ATRNL1: variants seen among roughly 807,000 people sequenced by gnomAD.
ATRNL1 encodes the protein attractin like 1.
ATRNL1 carries 95 observed loss-of-function variants against 182.7 expected under a neutral mutation model. The observed-to-expected ratio is 0.52, with a 90% CI of 0.44 to 0.62. ATRNL1 has a LOEUF of 0.62. Ranked by LOEUF, ATRNL1 falls within the 20% of genes least tolerant of loss-of-function variation. The pLI is 0.00. For synonymous variants in ATRNL1, 576 were observed against 568.3 expected (o/e 1.01, Z -0.19); for missense variants, 1,471 against 1,679.5 (o/e 0.88, Z 2.17).
At chr10:115,576,816 A>G (rs1419938626) in intron 26 of ATRNL1, among the ~76,000 whole-genome samples, 1 of 151,970 alleles carries the variant, frequency 6.6e-6, no homozygotes, top group East Asian at 1.9e-4. Context: ...TCCCAGGTTT[A>G]TATCAGAGAG....
intron 26 of ATRNL1, among the ~76,000 whole-genome samples, chr10:115,611,114 TGATTG>T (rs1555018885): frequency 6.6e-6 from 1 of 151,846 alleles, no homozygotes; most frequent in African/African-American, 2.4e-5. Context: ...AAAATGGAAC[TGATTG>T]GATTGAACAT....
intron 27 of ATRNL1, among the ~76,000 whole-genome samples, chr10:115,842,155 T>C (rs1950824550): frequency 6.6e-6 from 1 of 152,110 alleles, no homozygotes; most frequent in Non-Finnish European, 1.5e-5. Context: ...TTGTGCATAC[T>C]GTCAGAATTT....
At chr10:115,350,596 T>C (rs1554940969) in intron 19 of ATRNL1, among the ~76,000 whole-genome samples, 1 of 152,038 alleles carries the variant, frequency 6.6e-6, no homozygotes, top group African/African-American at 2.4e-5. Context: ...AGTGTGTGGG[T>C]TTATTTCTGG....
Position 115,205,131 on chromosome 10 carries a change from C to T in ATRNL1, c.1349-10566C>T, listed in dbSNP as rs1181765595. Among the ~76,000 whole-genome samples, 3 of 151,902 alleles carry T rather than the reference C, an allele frequency of 2.0e-5. 1 individual carries two copies. Among genetic ancestry groups the T allele is most frequent in the African/African-American group, 7.2e-5 (3 of 41,404 alleles). ...AAATTATTGTAGCTATTATTTTTGA[C>T]ACTTTTGTCTATTAACCTTTATACT... is the stretch of plus-strand genomic sequence containing the variant. On this transcript the variant is annotated intron_variant, in intron 8 of 28. Coordinates refer to ENST00000355044, the MANE Select transcript of ATRNL1 (RefSeq NM_207303.4).
intron 28 of ATRNL1, among the ~76,000 whole-genome samples, chr10:115,916,394 C>G (rs1309790127): frequency 3.9e-5 from 6 of 152,208 alleles, no homozygotes; most frequent in Non-Finnish European, 8.8e-5. Context: ...GCCTTGCCCT[C>G]AGAGACCTTT....
At chr10:115,395,523 C>T (rs782551239) in intron 20 of ATRNL1, among the ~76,000 whole-genome samples, 15 of 151,810 alleles carry the variant, frequency 9.9e-5, no homozygotes, top group Non-Finnish European at 1.5e-4. Context: ...TTACACTTTT[C>T]TTTCATATTA....
rs547054999 is a variant in ATRNL1 at position 115,225,873 on chromosome 10, T to C, written c.1532+9993T>C. Reference sequence around the variant, plus strand: ...TTCTTTTGGAAATTGACATGGTGATTCTAAAATTTATACAAAAATGTGAAG... The same window carrying C: ...TTCTTTTGGAAATTGACATGGTGATCCTAAAATTTATACAAAAATGTGAAG... On this transcript the variant is annotated intron_variant, in intron 9 of 28. Coordinates refer to ENST00000355044, the MANE Select transcript of ATRNL1 (RefSeq NM_207303.4). Among the ~76,000 whole-genome samples, 10 of 151,172 alleles carry C rather than the reference T, an allele frequency of 6.6e-5. No individual in the cohort carries two copies. The East Asian group carries it at 2.0e-3, about 30-fold the overall frequency.
intron 27 of ATRNL1, among the ~76,000 whole-genome samples, chr10:115,732,834 A>C (rs782604837): frequency 7.2e-5 from 11 of 152,156 alleles, no homozygotes; most frequent in Non-Finnish European, 1.2e-4. Context: ...AGTTACTTAA[A>C]GTTCATGTAG....
rs2084930804 is a variant in ATRNL1, at chr10:115,093,585, GC to G, written c.-165del. 1 of 786,476 alleles carries G rather than the reference GC, an allele frequency of 1.3e-6. No individual in the cohort carries two copies. The highest frequency in any genetic ancestry group is 1.5e-5 in the South Asian group (1 of 67,884). The allele number at this position is 786,476 out of a possible 1,614,324, so 48.7% of individuals were successfully genotyped here. A position where few individuals can be genotyped will look rare whatever the true frequency, so the allele number is the denominator to read the frequency against. On this transcript the variant is annotated 5_prime_UTR_variant, in exon 1 of 29. The change creates a premature stop within an existing upstream ORF in the 5' untranslated region. Coordinates refer to ENST00000355044, the MANE Select transcript of ATRNL1 (RefSeq NM_207303.4). This position sits in a 1 kb window ranked among gnomAD's most constrained non-coding sequence, Gnocchi z 6.1. ...TGGAGGCAGCCGAGCGGAGGCGACG[GC>G]GGTTGGGATCTGTCCCTCCTGACCG...
At chr10:115,864,899 G>A (rs564756502) in intron 28 of ATRNL1, among the ~76,000 whole-genome samples, 7 of 151,622 alleles carry the variant, frequency 4.6e-5, no homozygotes, top group Admixed American at 1.3e-4. Context: ...GGAGAATGGC[G>A]TGAACCCAGG....
intron 8 of ATRNL1, among the ~76,000 whole-genome samples, chr10:115,186,932 C>T (rs1303517300): frequency 6.6e-6 from 1 of 151,938 alleles, no homozygotes; most frequent in African/African-American, 2.4e-5. Flanking sequence ...TAAATATATA[C>T]ATCTATGTGA....
chr10:115,261,537 G>A (rs1196297916), intron 10 of ATRNL1, among the ~76,000 whole-genome samples: 3 of 152,154 alleles, frequency 2.0e-5, no homozygotes, highest in African/African-American at 7.2e-5. Flanking sequence ...ATATCTTGAT[G>A]TATTAGAAGA....
chr10:115,479,587 T>G (rs1261002575), intron 24 of ATRNL1, among the ~76,000 whole-genome samples: 3 of 151,424 alleles, frequency 2.0e-5, no homozygotes, highest in African/African-American at 7.3e-5. Context: ...CCTTTAGAAA[T>G]TCTAGTGACT....
At chr10:115,499,203 T>A (rs2133623132) in intron 24 of ATRNL1, among the ~76,000 whole-genome samples, 2 of 152,140 alleles carry the variant, frequency 1.3e-5, no homozygotes, top group South Asian at 4.1e-4. Context: ...TATAACAATA[T>A]TTTTTTGACA....
At chr10:115,660,058 G>A (rs971772238) in intron 26 of ATRNL1, among the ~76,000 whole-genome samples, 31 of 152,312 alleles carry the variant, frequency 2.0e-4, no homozygotes, top group Middle Eastern at 3.4e-3. Flanking sequence ...ATTCTGATTA[G>A]TTGTAGAGCA....
intron 21 of ATRNL1, among the ~76,000 whole-genome samples, chr10:115,436,429 T>C (rs1341994816): frequency 6.6e-6 from 1 of 152,120 alleles, no homozygotes; most frequent in African/African-American, 2.4e-5. Flanking sequence ...TCTTAGGTCA[T>C]ACAATTAGTA....
chr10:115,368,635 TCTC>T (rs1239933899), intron 19 of ATRNL1, among the ~76,000 whole-genome samples: 3 of 152,044 alleles, frequency 2.0e-5, no homozygotes, highest in Non-Finnish European at 4.4e-5. Flanking sequence ...ATTTTGACCA[TCTC>T]CTCATTTCCC....
intron 26 of ATRNL1, among the ~76,000 whole-genome samples, chr10:115,707,898 A>G (rs1946949134): frequency 1.3e-5 from 2 of 151,628 alleles, no homozygotes; most frequent in African/African-American, 2.4e-5. Context: ...GATGTTTTTG[A>G]TATCTGTTGG....
At position 115,153,874 on chromosome 10, in the gene ATRNL1, C is replaced by G. The variant is rs186425558; in HGVS notation, c.830-6166C>G. Among the ~76,000 whole-genome samples, 810 of 152,170 alleles carry G rather than the reference C, an allele frequency of 5.3e-3. 9 individuals are homozygous for G. Among genetic ancestry groups the G allele is most frequent in the Middle Eastern group, 0.024 (7 of 294 alleles). On this transcript the variant is annotated intron_variant, in intron 5 of 28. Transcript: ENST00000355044. ...GGCATTTAGTGCTATAAATTTCCCTCTACACAATGCTTTGAATGTGTCCCA... is the reference window on the plus strand; with the variant it reads ...GGCATTTAGTGCTATAAATTTCCCTGTACACAATGCTTTGAATGTGTCCCA...
Sources: allele counts gnomAD v4.1 joint callset (sites outside exome capture counted in the v4.1 genomes callset), GRCh38; gene constraint gnomAD v4.1.1; non-coding constraint Gnocchi (gnomAD v3.1); transcripts MANE v1.5; gene names NCBI Gene and HGNC (gene_info 2026-07-23, HGNC 2026-07-21).